Variants in METTL15 observed in about 807,000 individuals in gnomAD.
The protein encoded by METTL15 is 12S rRNA N(4)-cytidine methyltransferase METTL15.
METTL15 carries 34 observed loss-of-function variants against 38.3 expected under a neutral mutation model. That is an observed-to-expected ratio of 0.89 (90% CI 0.68 to 1.18). The LOEUF is 1.18. Among genes scored for constraint, METTL15 ranks in the 50% most tolerant of loss-of-function variants. The probability of loss-of-function intolerance (pLI) is 0.00; values close to 1 mark genes in which losing one functional copy is unlikely to be tolerated. For missense variants in METTL15, 438 were observed against 498.4 expected, an observed-to-expected ratio of 0.88 and a Z score of 1.15; for synonymous variants, 162 against 170.9, an observed-to-expected ratio of 0.95 and a Z score of 0.41.
At chr11:28,274,810 T>A (rs1307004055) in intron 4 of METTL15, among the ~76,000 whole-genome samples, 1 of 151,884 alleles carries the variant, frequency 6.6e-6, no homozygotes, top group East Asian at 1.9e-4. Flanking sequence ...ATAAGAGGGA[T>A]AGCATTAGGA....
chr11:28,285,956 G>A (rs1397595055), intron 4 of METTL15, among the ~76,000 whole-genome samples: 10 of 152,126 alleles, frequency 6.6e-5, no homozygotes, highest in Admixed American at 6.6e-4. Context: ...ACACAAAGTA[G>A]TGTAGCTAAT....
At chr11:28,222,245 A>C (rs896232644) in intron 4 of METTL15, among the ~76,000 whole-genome samples, 1 of 152,180 alleles carries the variant, frequency 6.6e-6, no homozygotes, top group African/African-American at 2.4e-5. Context: ...CTGAAGCCTC[A>C]GCAATGGCGG....
intron 5 of METTL15, among the ~76,000 whole-genome samples, chr11:28,401,942 AT>A (rs1171741650): frequency 6.6e-6 from 1 of 151,922 alleles, no homozygotes; most frequent in Non-Finnish European, 1.5e-5. Context: ...TTAGTGACTT[AT>A]TTTTTTCCTT....
intron 3 of METTL15, among the ~76,000 whole-genome samples, chr11:28,181,970 T>C (rs112949878): frequency 6.6e-6 from 1 of 152,178 alleles, no homozygotes; most frequent in Admixed American, 6.5e-5. Flanking sequence ...TGAGATGATA[T>C]CTTGTTGTGG....
rs1448015761 is a variant in METTL15, at chr11:28,475,723, A to T, written c.*425-50755A>T. ...TCTACTTACAGCATTCCCCTGAGCT[A>T]GGGAATCTGAGCGGTCCAAAGGGAA... is the stretch of plus-strand genomic sequence containing the variant. On this transcript the variant is annotated intron_variant and NMD_transcript_variant, in intron 6 of 7. Transcript: ENST00000532947. 2.6e-5 allele frequency among the ~76,000 whole-genome samples: 4 copies of T among 152,328 alleles called. No homozygotes were observed. The East Asian group carries it at 7.7e-4, about 29-fold the overall frequency.
chr11:28,382,463 A>T (rs768143612), intron 5 of METTL15, among the ~76,000 whole-genome samples: 2 of 152,090 alleles, frequency 1.3e-5, no homozygotes, highest in Non-Finnish European at 2.9e-5. Context: ...CACTTTTTCC[A>T]TGTAGAAACT....
intron 6 of METTL15, among the ~76,000 whole-genome samples, chr11:28,441,380 C>T (rs911177984): frequency 1.3e-5 from 2 of 152,014 alleles, no homozygotes; most frequent in African/African-American, 4.8e-5. Flanking sequence ...GACACAGACC[C>T]TCTATGACAA....
intron 6 of METTL15, among the ~76,000 whole-genome samples, chr11:28,514,193 A>G (rs1851700355): frequency 6.6e-6 from 1 of 152,148 alleles, no homozygotes; most frequent in East Asian, 1.9e-4. Flanking sequence ...TGACACAGTA[A>G]TTGTTTCGGG....
intron 4 of METTL15, among the ~76,000 whole-genome samples, chr11:28,222,413 T>C (rs1167918285): frequency 6.6e-6 from 1 of 152,212 alleles, no homozygotes; most frequent in Non-Finnish European, 1.5e-5. Flanking sequence ...AGCGCAGTAT[T>C]AGGGTGGGAG....
At chr11:28,231,173 T>C (rs1853669881) in intron 4 of METTL15, among the ~76,000 whole-genome samples, 1 of 151,902 alleles carries the variant, frequency 6.6e-6, no homozygotes, top group Non-Finnish European at 1.5e-5. Context: ...GTCAACATAA[T>C]GCCTTCTTAC....
At chr11:28,454,178 AT>A (rs1851148539) in intron 6 of METTL15, among the ~76,000 whole-genome samples, 1 of 152,160 alleles carries the variant, frequency 6.6e-6, no homozygotes, top group African/African-American at 2.4e-5. Flanking sequence ...AATACCAAAG[AT>A]TTATCTAAGT....
At chr11:28,213,650 C>CT (rs1413131006) in intron 4 of METTL15, among the ~76,000 whole-genome samples, 2 of 148,344 alleles carry the variant, frequency 1.3e-5, no homozygotes, top group Non-Finnish European at 3.0e-5. Flanking sequence ...AAAGCAATGC[C>CT]TTTTTTTCTT....
intron 6 of METTL15, among the ~76,000 whole-genome samples, chr11:28,311,064 G>A (rs1228110681): frequency 6.6e-6 from 1 of 151,426 alleles, no homozygotes; most frequent in Non-Finnish European, 1.5e-5. Context: ...GTTGGGCATG[G>A]TCTTTGATTT....
At chr11:28,125,962 A>G (rs927453686) in intron 3 of METTL15, 3 of 152,020 alleles carry the variant, frequency 2.0e-5, no homozygotes, top group African/African-American at 7.2e-5. Flanking sequence ...ACACATGGCT[A>G]TGTATTTTTG....
intron 6 of METTL15, among the ~76,000 whole-genome samples, chr11:28,445,693 C>T (rs936523829): frequency 1.6e-4 from 24 of 152,028 alleles, no homozygotes; most frequent in African/African-American, 5.1e-4. Context: ...GCTCTGTCAC[C>T]CAGGCTGGAG....
chr11:28,445,312 T>G (rs1028893143), intron 6 of METTL15, among the ~76,000 whole-genome samples: 1 of 152,156 alleles, frequency 6.6e-6, no homozygotes, highest in African/African-American at 2.4e-5. Flanking sequence ...GTTTTAAACA[T>G]TTTGTCATAT....
chr11:28,267,773 C>T (rs1855483681), intron 4 of METTL15, among the ~76,000 whole-genome samples: 1 of 152,188 alleles, frequency 6.6e-6, no homozygotes. Context: ...CTGAGATTTA[C>T]ACATATACAT....
At chr11:28,396,259 G>T (rs574967646) in intron 5 of METTL15, among the ~76,000 whole-genome samples, 1 of 152,248 alleles carries the variant, frequency 6.6e-6, no homozygotes, top group Non-Finnish European at 1.5e-5. Context: ...TCAGGCAGGA[G>T]AAAGAAATAA....
At chr11:28,387,140 C>A (rs1321547067) in intron 5 of METTL15, among the ~76,000 whole-genome samples, 1 of 151,504 alleles carries the variant, frequency 6.6e-6, no homozygotes, top group African/African-American at 2.4e-5. Context: ...AATTTTATGC[C>A]TCAGAGAAAT....
Sources: allele counts gnomAD v4.1 joint callset (sites outside exome capture counted in the v4.1 genomes callset), GRCh38; gene constraint gnomAD v4.1.1; transcripts MANE v1.5; gene names NCBI Gene and HGNC (gene_info 2026-07-23, HGNC 2026-07-21).